Variants in SORCS1 observed in about 807,000 individuals in gnomAD.
The protein encoded by SORCS1 is VPS10 domain-containing receptor SorCS1.
In SORCS1, 60 loss-of-function variants were observed where a neutral mutation model predicts 146.1. That is an observed-to-expected ratio of 0.41 (90% CI 0.33 to 0.51). The LOEUF (loss-of-function observed/expected upper bound fraction) is 0.51, where lower values mean the gene tolerates loss of function less well. SORCS1 is among the 20% of genes least tolerant of loss of function. SORCS1 has a pLI of 0.21. For synonymous variants in SORCS1, 637 were observed against 584.0 expected, an observed-to-expected ratio of 1.09 and a Z score of -1.31; for missense variants, 1,352 against 1,487.6, an observed-to-expected ratio of 0.91 and a Z score of 1.50.
chr10:106,909,695 ATTTTTTAAATTAT>A (rs1183191069), intron 2 of SORCS1, among the ~76,000 whole-genome samples: 1 of 152,118 alleles, frequency 6.6e-6, no homozygotes, highest in African/African-American at 2.4e-5. Flanking sequence ...TGAATGATTA[ATTTTTTAAATTAT>A]TTTTGGCTCC....
intron 1 of SORCS1, among the ~76,000 whole-genome samples, chr10:107,085,784 C>T (rs1963711098): frequency 6.6e-6 from 1 of 152,170 alleles, no homozygotes; most frequent in Admixed American, 6.5e-5. Context: ...TCCTTTTCAA[C>T]AACCATACAA....
rs546084462 is a variant in SORCS1, at chr10:106,688,247, C to T, written c.1505G>A (p.Arg502His). 38 of 1,614,108 alleles carry T rather than the reference C, an allele frequency of 2.4e-5. No individual in the cohort carries two copies. Among genetic ancestry groups the T allele is most frequent in the Middle Eastern group, 1.7e-4 (1 of 6,058 alleles). Residue 502 changes from arginine to histidine, a missense_variant, in exon 10 of 26, where the codon CGT becomes CAT. Physicochemically the swap from Arg to His is conservative, Grantham distance 29. This residue lies in a region of SORCS1 where 648 missense variants were observed against 793.8 expected (regional missense o/e 0.82). Transcript: ENST00000263054. ...FITYNKGRDWRLLQAPDTDLR... is the reference protein window; with the variant it reads ...FITYNKGRDWHLLQAPDTDLR... ...ATCCGTGTCCGGCGCCTGCAGCAAA[C>T]GCCAGTCTCTGCCTTTGTTATATGT... is the stretch of plus-strand genomic sequence containing the variant.
Position 107,060,952 on chromosome 10 carries a change from T to A in SORCS1, c.558+103017A>T, listed in dbSNP as rs1440826037. On this transcript the variant is annotated intron_variant, in intron 1 of 25. Transcript: ENST00000263054. The surrounding 1 kb of genome is among the most constrained non-coding windows in gnomAD (Gnocchi z 4.1). ...TTCAAATATCTTTTCCCTTTCTCTT[T>A]CCAAGTTAAATAAAAAAATTTATCT... is the stretch of plus-strand genomic sequence containing the variant. 2.0e-5 allele frequency among the ~76,000 whole-genome samples: 3 copies of A among 152,194 alleles called. No homozygotes were observed. The highest frequency in any genetic ancestry group is 4.8e-5 in the African/African-American group (2 of 41,466).
intron 4 of SORCS1, among the ~76,000 whole-genome samples, chr10:106,765,844 T>C (rs1859527678): frequency 6.6e-6 from 1 of 152,082 alleles, no homozygotes; most frequent in African/African-American, 2.4e-5. Flanking sequence ...GAAAGTCTTT[T>C]CAATATTCCT....
At chr10:107,053,005 T>C (rs914438954) in intron 1 of SORCS1, among the ~76,000 whole-genome samples, 1 of 152,192 alleles carries the variant, frequency 6.6e-6, no homozygotes, top group African/African-American at 2.4e-5. Context: ...ACAAATCAAA[T>C]ATCAGCTACT....
intron 1 of SORCS1, among the ~76,000 whole-genome samples, chr10:106,976,448 T>C (rs1489856111): frequency 2.6e-5 from 4 of 151,238 alleles, no homozygotes; most frequent in Non-Finnish European, 5.9e-5. Context: ...TCTCCTGCCT[T>C]AGCCTCCCGA....
In SORCS1 at chr10:106,946,429, G is replaced by A. The variant is rs375338443; in HGVS notation, c.626+10084C>T. Among the ~76,000 whole-genome samples the A allele has an allele frequency of 1.1e-3, 165 of 152,226 alleles. 1 individual carries two copies. The highest frequency in any genetic ancestry group is 3.3e-3 in the African/African-American group (137 of 41,546). ...TGGGAGGTAATTGAATCATGGGAGC[G>A]GGTCTTCCCCCATACTATTTTCATG... On this transcript the variant is annotated intron_variant, in intron 2 of 25. Transcript: ENST00000263054.
chr10:106,988,538 T>A (rs967001), intron 1 of SORCS1, among the ~76,000 whole-genome samples: 42,281 of 151,920 alleles, frequency 0.28, 6,017 homozygotes, highest in Middle Eastern at 0.38. Flanking sequence ...TGAGTAAATA[T>A]TCTTACTTTT....
At chr10:106,664,559 G>A (rs955349540) in intron 17 of SORCS1, among the ~76,000 whole-genome samples, 14 of 152,046 alleles carry the variant, frequency 9.2e-5, no homozygotes, top group Non-Finnish European at 1.5e-4. Context: ...GGAGAATGGC[G>A]TGAACCTGGG....
intron 3 of SORCS1, among the ~76,000 whole-genome samples, chr10:106,812,615 GTGTC>G (rs1432382293): frequency 6.6e-6 from 1 of 152,154 alleles, no homozygotes; most frequent in Non-Finnish European, 1.5e-5. Flanking sequence ...TATAGAAAAA[GTGTC>G]TGTCACTGAA....
chr10:107,125,667 C>T (rs1406645476), intron 1 of SORCS1, among the ~76,000 whole-genome samples: 2 of 152,224 alleles, frequency 1.3e-5, no homozygotes, highest in Non-Finnish European at 2.9e-5. Flanking sequence ...TTCTAGCCAA[C>T]TTGAAAATCA....
At chr10:106,622,267 T>C (rs570271809) in intron 19 of SORCS1, among the ~76,000 whole-genome samples, 15 of 120,814 alleles carry the variant, frequency 1.2e-4, no homozygotes, top group African/African-American at 5.0e-4. Flanking sequence ...TCCAGCCTGG[T>C]GACAGAGCAA....
rs539808875 is a variant in SORCS1, at chr10:107,032,328, G to A, written c.559-75748C>T. Among the ~76,000 whole-genome samples, 3 of 152,246 alleles carry A rather than the reference G, an allele frequency of 2.0e-5. No individual in the cohort carries two copies. The South Asian group carries it at 6.2e-4, about 32-fold the overall frequency. ...CATGGCATGGATCAAAAGCCTTGAG[G>A]GCTGAAATTAGGACATAAAAACCAT... On this transcript the variant is annotated intron_variant, in intron 1 of 25. Transcript: ENST00000263054.
At chr10:106,787,180 G>A (rs993445995) in intron 3 of SORCS1, among the ~76,000 whole-genome samples, 1 of 152,042 alleles carries the variant, frequency 6.6e-6, no homozygotes, top group African/African-American at 2.4e-5. Flanking sequence ...ATGAAATATG[G>A]GTTTCTTAAG....
At chr10:106,710,196 C>A (rs2135844471) in intron 6 of SORCS1, among the ~76,000 whole-genome samples, 1 of 152,228 alleles carries the variant, frequency 6.6e-6, no homozygotes, top group East Asian at 1.9e-4. Flanking sequence ...TGCCTGTAAT[C>A]CCAGCACTTT....
At chr10:106,758,229 G>A (rs984346854) in intron 5 of SORCS1, among the ~76,000 whole-genome samples, 7 of 152,126 alleles carry the variant, frequency 4.6e-5, no homozygotes, top group African/African-American at 7.2e-5. Flanking sequence ...TAGCACTGGC[G>A]GAAGCAGTGG....
At chr10:107,063,321 G>T (rs1961415680) in intron 1 of SORCS1, among the ~76,000 whole-genome samples, 1 of 152,106 alleles carries the variant, frequency 6.6e-6, no homozygotes, top group African/African-American at 2.4e-5. Context: ...AACTGTTTTA[G>T]AAAAAGCTTC....
At chr10:106,665,707 C>A (rs989696780) in intron 17 of SORCS1, among the ~76,000 whole-genome samples, 1 of 152,076 alleles carries the variant, frequency 6.6e-6, no homozygotes, top group South Asian at 2.1e-4. Flanking sequence ...CTTAGCCTAA[C>A]CAAAATGACT....
intron 17 of SORCS1, among the ~76,000 whole-genome samples, chr10:106,662,461 A>G (rs1850805114): frequency 6.6e-6 from 1 of 152,290 alleles, no homozygotes; most frequent in Middle Eastern, 3.4e-3. Flanking sequence ...CTGTAAGAAA[A>G]GTGTGAGACA....
Sources: gnomAD v4.1 joint callset for allele counts (sites outside exome capture counted in the v4.1 genomes callset) on GRCh38, gnomAD v4.1.1 for gene constraint, gnomAD v4.1.1 regional missense constraint, Gnocchi (gnomAD v3.1) non-coding constraint, MANE v1.5 for transcripts, NCBI Gene and HGNC (gene_info 2026-07-23, HGNC 2026-07-21) for gene names.